ABI2: variants seen among roughly 807,000 people sequenced by gnomAD.
ABI2 encodes abl interactor 2.
In ABI2, 25 loss-of-function variants were observed where a neutral mutation model predicts 59.2. The observed-to-expected ratio is 0.42, with a 90% confidence interval of 0.31 to 0.59. The LOEUF is 0.59. ABI2 is among the 20% of genes least tolerant of loss of function. ABI2 has a pLI of 0.14. For synonymous variants in ABI2, 213 were observed against 235.5 expected (o/e 0.90, Z 0.87); for missense variants, 545 against 681.8 (o/e 0.80, Z 2.23).
intron 1 of ABI2, among the ~76,000 whole-genome samples, chr2:203,358,741 G>A (rs1026611852): frequency 3.9e-5 from 6 of 152,194 alleles, no homozygotes; most frequent in Non-Finnish European, 5.9e-5. Flanking sequence ...CAGGCATGGT[G>A]ATTCACACCT....
intron 1 of ABI2, among the ~76,000 whole-genome samples, chr2:203,342,621 C>T (rs1302234721): frequency 1.3e-5 from 2 of 150,036 alleles, no homozygotes; most frequent in African/African-American, 4.9e-5. Context: ...ACTCTGTCAT[C>T]CAGGCTGGAG....
chr2:203,349,339 T>C (rs1291662695), intron 1 of ABI2, among the ~76,000 whole-genome samples: 1 of 152,228 alleles, frequency 6.6e-6, no homozygotes, highest in Non-Finnish European at 1.5e-5. Flanking sequence ...CAGGAAATAA[T>C]ATTGATATAT....
intron 11 of ABI2, among the ~76,000 whole-genome samples, chr2:203,426,131 C>A (rs1389681210): frequency 6.6e-6 from 1 of 151,752 alleles, no homozygotes; most frequent in Admixed American, 6.6e-5. Flanking sequence ...AACAAATTTT[C>A]TTTAGGGCAC....
At chr2:203,333,085 G>A (rs1490521864) in intron 1 of ABI2, among the ~76,000 whole-genome samples, 3 of 152,022 alleles carry the variant, frequency 2.0e-5, no homozygotes, top group African/African-American at 7.2e-5. Flanking sequence ...TTCATGAGAG[G>A]TTTACAAGGG....
At chr2:203,373,402 A>G (rs922380889) in intron 2 of ABI2, among the ~76,000 whole-genome samples, 1 of 152,182 alleles carries the variant, frequency 6.6e-6, no homozygotes, top group African/African-American at 2.4e-5. Context: ...CAGTGAGCCA[A>G]GATGGCAGCA....
intron 9 of ABI2, among the ~76,000 whole-genome samples, chr2:203,406,809 G>A (rs1409710459): frequency 1.3e-5 from 2 of 152,034 alleles, no homozygotes; most frequent in Admixed American, 6.5e-5. Context: ...AACTACAGGT[G>A]TGTGCCACCA....
rs71007509 is a variant in ABI2 at position 203,370,186 on chromosome 2, T to TTCTCTCTCTC, written c.285+3174_285+3183dup. Among the ~76,000 whole-genome samples, 612 of 136,674 alleles carry TTCTCTCTCTC rather than the reference T, an allele frequency of 4.5e-3. 6 individuals are homozygous for TTCTCTCTCTC. The highest frequency in any genetic ancestry group is 0.03 in the South Asian group (120 of 3,946). The allele number at this position is 136,674 out of a possible 152,430, so 89.7% of individuals were successfully genotyped here. ...GGCTACGTATGGTGTCATTCTCCTA[T>TTCTCTCTCTC]TCTCTCTCTCTCTCTCTCTCTCTCT... On this transcript the variant is annotated intron_variant, in intron 2 of 11. Coordinates refer to ENST00000261018, the MANE Select transcript of ABI2 (RefSeq NM_001375670.1).
rs2097985081 is a variant in ABI2 at position 203,418,058 on chromosome 2, G to A, written c.1453+977G>A. 2.0e-5 allele frequency among the ~76,000 whole-genome samples: 3 copies of A among 152,032 alleles called. No individual in the cohort carries two copies. The South Asian group carries it at 6.2e-4, about 32-fold the overall frequency. Reference sequence around the variant, plus strand: ...TAGCAACCTTGATGCCATGACAATAGAAACTATCCAAAATAAGGCACAGAG... The same window carrying A: ...TAGCAACCTTGATGCCATGACAATAAAAACTATCCAAAATAAGGCACAGAG... On this transcript the variant is annotated intron_variant, in intron 11 of 11. Coordinates refer to ENST00000261018, the MANE Select transcript of ABI2 (RefSeq NM_001375670.1).
intron 1 of ABI2, chr2:203,329,355 T>C (rs1428127637): frequency 6.7e-5 from 10 of 148,636 alleles, no homozygotes; most frequent in Admixed American, 6.7e-4. Context: ...TTTTTTTTTT[T>C]TTTTTTTTTT....
intron 1 of ABI2, among the ~76,000 whole-genome samples, chr2:203,333,805 A>G (rs1315120621): frequency 2.0e-5 from 3 of 152,026 alleles, no homozygotes; most frequent in Admixed American, 6.6e-5. Flanking sequence ...GTGACCTCAT[A>G]ATTTCCGTTA....
At position 203,328,448 on chromosome 2, in the gene ABI2, T is replaced by A; in HGVS notation, c.-67T>A. 7.4e-7 allele frequency: 1 copy of A among 1,346,580 alleles called. No individual in the cohort carries two copies. 83.4% of individuals were successfully genotyped at this position (1,346,580 alleles called of 1,614,324 possible). The stretch of plus-strand genomic sequence containing the variant: ...GCTCCTCCTCTCCCGGTCCTGGGTT[T>A]CCTTGGCGCTGCGGCCGCCGCTCCC... On this transcript the variant is annotated 5_prime_UTR_variant, in exon 1 of 12. Coordinates refer to ENST00000261018, the MANE Select transcript of ABI2 (RefSeq NM_001375670.1).
At chr2:203,382,403 A>G (rs2096195476) in intron 4 of ABI2, among the ~76,000 whole-genome samples, 197 bp downstream of exon 4, 1 of 152,106 alleles carries the variant, frequency 6.6e-6, no homozygotes, top group African/African-American at 2.4e-5. Flanking sequence ...TGTTTTGTTC[A>G]CTGCTCTATC....
intron 1 of ABI2, among the ~76,000 whole-genome samples, chr2:203,364,005 C>CTG (rs912861870): frequency 3.3e-5 from 5 of 151,944 alleles, no homozygotes; most frequent in African/African-American, 1.2e-4. Context: ...CTCAGGTGAT[C>CTG]TGCCCACCTT....
intron 10 of ABI2, 31 bp downstream of exon 10, chr2:203,411,402 C>G: frequency 6.5e-7 from 1 of 1,537,220 alleles, no homozygotes; most frequent in Non-Finnish European, 9.0e-7. Flanking sequence ...TGCTGTAGAT[C>G]AGATTGTAGG....
At chr2:203,330,357 G>C (rs1217587928) in intron 1 of ABI2, among the ~76,000 whole-genome samples, 1 of 149,804 alleles carries the variant, frequency 6.7e-6, no homozygotes, top group Non-Finnish European at 1.5e-5. Context: ...AGATTCAGAG[G>C]TTCAGGCCTG....
intron 1 of ABI2, among the ~76,000 whole-genome samples, chr2:203,337,991 C>T (rs2077231173): frequency 6.6e-6 from 1 of 152,212 alleles, no homozygotes; most frequent in Non-Finnish European, 1.5e-5. Context: ...GATCATGCCA[C>T]TGCACTCCAT....
Position 203,401,097 on chromosome 2 carries a change from C to G in ABI2, c.1034-1479C>G, listed in dbSNP as rs550134942. The stretch of plus-strand genomic sequence containing the variant: ...GGTATCATCTGTTCCTCCAGTCCCC[C>G]CTCCTCTACTCTCCCCTCTTCTCCA... On this transcript the variant is annotated intron_variant, in intron 8 of 11. Coordinates refer to ENST00000261018, the MANE Select transcript of ABI2 (RefSeq NM_001375670.1). Among the ~76,000 whole-genome samples, 3 of 152,240 alleles carry G rather than the reference C, an allele frequency of 2.0e-5. No individual in the cohort carries two copies. The South Asian group carries it at 6.2e-4, about 32-fold the overall frequency.
chr2:203,345,367 C>G (rs75635810), intron 1 of ABI2, among the ~76,000 whole-genome samples: 2,600 of 152,244 alleles, frequency 0.017, 77 homozygotes, highest in East Asian at 0.092. Flanking sequence ...GAACAAACTC[C>G]GGACACACCA....
Position 203,366,948 on chromosome 2 carries a change from T to C in ABI2, c.189T>C (p.Tyr63=). 6.2e-7 allele frequency: 1 copy of C among 1,613,674 alleles called. No homozygotes were observed. Among genetic ancestry groups the C allele is most frequent in the Non-Finnish European group, 8.5e-7 (1 of 1,179,764 alleles). ...YTTQSLASVA[Y]LINTLANNVL... ...CCCAATCCTTAGCAAGTGTTGCCTA[T>C]CTGATAAACACCTTGGCCAACAATG... Residue 63 remains tyrosine (Y), a synonymous_variant, in exon 2 of 12, where the codon TAT becomes TAC. Coordinates refer to ENST00000261018, the MANE Select transcript of ABI2 (RefSeq NM_001375670.1).
Sources: allele counts gnomAD v4.1 joint callset (sites outside exome capture counted in the v4.1 genomes callset), GRCh38; gene constraint gnomAD v4.1.1; transcripts MANE v1.5; gene names NCBI Gene and HGNC (gene_info 2026-07-23, HGNC 2026-07-21).